The following SPTBN5 variants were observed in gnomAD, a reference collection of about 807,000 sequenced individuals.
The protein encoded by SPTBN5 is spectrin beta chain, non-erythrocytic 5.
SPTBN5 carries 513 observed loss-of-function variants against 477.6 expected under a neutral mutation model. That is an observed-to-expected ratio of 1.07 (90% CI 1.00 to 1.16). SPTBN5 has a LOEUF of 1.16. SPTBN5 is among the 50% of genes most tolerant of loss of function. SPTBN5 has a pLI of 0.00. For synonymous variants in SPTBN5, 2,169 were observed against 2,011.7 expected, an observed-to-expected ratio of 1.08 and a Z score of -2.09; for missense variants, 5,062 against 4,731.8, an observed-to-expected ratio of 1.07 and a Z score of -2.05.
At position 41,879,322 on chromosome 15, in the gene SPTBN5, C is replaced by T; in HGVS notation, c.3120G>A (p.Leu1040=). ...SSEDTCHALQ[L]AQKKTLVLER... is the part of the protein sequence containing the mutation. ...CCAGCACCAGGGTCTTCTTCTGGGC[C>T]AGCTGCAGGGCGTGGCAGGTGTCCT... is the stretch of plus-strand genomic sequence containing the variant. The change falls in exon 16 of 68, where the codon CTG becomes CTA. Residue 1040 remains leucine, a synonymous_variant. Transcript: ENST00000320955. 2 of 1,611,508 alleles carry T rather than the reference C, an allele frequency of 1.2e-6. No homozygotes were observed. Among genetic ancestry groups the T allele is most frequent in the East Asian group, 4.5e-5 (2 of 44,882 alleles).
In SPTBN5 at chr15:41,857,408, CTGGCCCACAGTGGG is replaced by C; in HGVS notation, c.8437_8450del (p.Pro2813GlyfsTer27). ...GGAGCTCGCCCACCCCAGGCAGGGCCTGGCCCACAGTGGGGGCTCTCAGCTCAACCTCGATGGGC... is the reference window on the plus strand; with the variant it reads ...GGAGCTCGCCCACCCCAGGCAGGGCCGGCTCTCAGCTCAACCTCGATGGGC... On this transcript the variant is annotated frameshift_variant, in exon 51 of 68. Coordinates refer to ENST00000320955, the MANE Select transcript of SPTBN5 (RefSeq NM_016642.4). LOFTEE classifies it high-confidence loss of function. 1 of 1,596,502 alleles carries C rather than the reference CTGGCCCACAGTGGG, an allele frequency of 6.3e-7. No homozygotes were observed. Among genetic ancestry groups the C allele is most frequent in the Admixed American group, 1.7e-5 (1 of 57,784 alleles).
intron 7 of SPTBN5, among the ~76,000 whole-genome samples, chr15:41,884,283 GC>G (rs1338886765): frequency 6.6e-6 from 1 of 152,010 alleles, no homozygotes; most frequent in South Asian, 2.1e-4. Flanking sequence ...ACTGCGCCCG[GC>G]CAATTTTTGT....
rs371369677 is a variant in SPTBN5 at position 41,882,637 on chromosome 15, G to T, written c.1994C>A (p.Ala665Glu). 6 of 1,606,994 alleles carry T rather than the reference G, an allele frequency of 3.7e-6. No individual in the cohort carries two copies. The East Asian group carries it at 1.3e-4, about 36-fold the overall frequency. Residue 665 changes from alanine (A) to glutamate (E), a missense_variant, in exon 10 of 68, where the codon GCG becomes GAG. Coordinates refer to ENST00000320955, the MANE Select transcript of SPTBN5 (RefSeq NM_016642.4). ...LKECGQRVGNAALGRDLSQIA... is the reference protein window; with the variant it reads ...LKECGQRVGNEALGRDLSQIA... ...CTGGCTGAGATCCCGGCCCAGGGCC[G>T]CATTCCCCACCCGCTGTCCGCACTC...
At position 41,863,701 on chromosome 15, in the gene SPTBN5, T is replaced by G; in HGVS notation, c.7149+3A>C. The G allele has an allele frequency of 6.2e-7, 1 of 1,611,900 alleles. No homozygotes were observed. Among genetic ancestry groups the G allele is most frequent in the African/African-American group, 1.3e-5 (1 of 75,002 alleles). ...CCCACCGGGACCTCTTTCCACCACG[T>G]ACCTTCTCCTGAATCCTCTTGGTGA... On this transcript the variant is annotated splice_donor_region_variant and intron_variant, in intron 41 of 67. Transcript: ENST00000320955.
At position 41,872,330 on chromosome 15, in the gene SPTBN5, G is replaced by A. The variant is rs1386332409; in HGVS notation, c.5137C>T (p.Arg1713Trp). 7 of 1,611,050 alleles carry A rather than the reference G, an allele frequency of 4.3e-6. No individual in the cohort carries two copies. The Admixed American group carries it at 5.0e-5, about 12-fold the overall frequency. ...VVQERLREQL[R>W]ALQELAATRD... ...GTGGCCGCCAACTCCTGCAGTGCCCGCAGCTGCTCCCGGAGCCTCTCCTGC... is the reference window on the plus strand; with the variant it reads ...GTGGCCGCCAACTCCTGCAGTGCCCACAGCTGCTCCCGGAGCCTCTCCTGC... The change falls in exon 27 of 68, where the codon CGG becomes TGG. Residue 1713 changes from arginine to tryptophan, a missense_variant. Physicochemically the swap from Arg to Trp is moderately radical, Grantham distance 101. Coordinates refer to ENST00000320955, the MANE Select transcript of SPTBN5 (RefSeq NM_016642.4).
chr15:41,892,476 C>T (rs565317796), intron 3 of SPTBN5, among the ~76,000 whole-genome samples: 1 of 152,326 alleles, frequency 6.6e-6, no homozygotes, highest in Admixed American at 6.5e-5. Flanking sequence ...CTCCTCTTCC[C>T]CACCTGCCGT....
At chr15:41,875,788 G>T (rs1430600928) in intron 21 of SPTBN5, among the ~76,000 whole-genome samples, 166 bp from the exon 22 acceptor site, 4 of 152,194 alleles carry the variant, frequency 2.6e-5, no homozygotes, top group Non-Finnish European at 4.4e-5. Flanking sequence ...CTGCAGGTAG[G>T]GGGGCTTTCC....
Position 41,854,859 on chromosome 15 carries a change from G to T in SPTBN5, c.9541C>A (p.Pro3181Thr). 1 of 1,609,280 alleles carries T rather than the reference G, an allele frequency of 6.2e-7. No individual in the cohort carries two copies. Among genetic ancestry groups the T allele is most frequent in the Non-Finnish European group, 8.5e-7 (1 of 1,177,610 alleles). Residue 3181 changes from proline to threonine, a missense_variant, in exon 56 of 68, where the codon CCC (proline) becomes ACC (threonine). By Grantham distance (38) the Pro-to-Thr change is conservative. Transcript: ENST00000320955. Reference protein sequence around the residue: ...TLERGAPRRYPHIQAQRSRIE... With the variant: ...TLERGAPRRYTHIQAQRSRIE... Reference sequence around the variant, plus strand: ...CGGCTCCTCTGGGCTTGGATGTGGGGATAGCGCCTGGGTGCACCCCGCTCC... The same window carrying T: ...CGGCTCCTCTGGGCTTGGATGTGGGTATAGCGCCTGGGTGCACCCCGCTCC...
intron 47 of SPTBN5, among the ~76,000 whole-genome samples, chr15:41,859,651 C>G (rs2066036255): frequency 6.6e-6 from 1 of 152,162 alleles, no homozygotes; most frequent in African/African-American, 2.4e-5. Flanking sequence ...GGGCAGAAGC[C>G]AGGGGCTAGA....
chr15:41,864,925 G>C (rs1461888739), intron 39 of SPTBN5, among the ~76,000 whole-genome samples: 1 of 152,246 alleles, frequency 6.6e-6, no homozygotes, highest in Non-Finnish European at 1.5e-5. Context: ...TCCTTTTATA[G>C]ATGCCGGAGC....
chr15:41,889,981 T>C (rs1404989300), intron 4 of SPTBN5, 108 bp downstream of exon 4: 3 of 716,334 alleles, frequency 4.2e-6, no homozygotes, highest in Non-Finnish European at 7.5e-6. Context: ...CAGGATCTCC[T>C]ATGGGGATCA....
At chr15:41,881,874 T>A in intron 12 of SPTBN5, 62 bp downstream of exon 12, 2 of 1,447,776 alleles carry the variant, frequency 1.4e-6, no homozygotes, top group East Asian at 5.5e-5. Context: ...TTTTGTCCTC[T>A]GTGTGGCCCA....
chr15:41,852,948 G>GCCT lies in SPTBN5; in HGVS notation c.10220_10222dup (p.Glu3407dup), dbSNP rs776561047. 1 of 1,576,832 alleles carries GCCT rather than the reference G, an allele frequency of 6.3e-7. No homozygotes were observed. The highest frequency in any genetic ancestry group is 1.1e-5 in the South Asian group (1 of 87,558). ...ACAGCGTTGCCAGCGCAGGGCCCAAGCCTCCTCCAGCTCCTGCAGCCGCCC... is the reference window on the plus strand; with the variant it reads ...ACAGCGTTGCCAGCGCAGGGCCCAAGCCTCCTCCTCCAGCTCCTGCAGCCGCCC... On this transcript the variant is annotated inframe_insertion, in exon 60 of 68. Transcript: ENST00000320955.
chr15:41,886,296 C>T lies in SPTBN5; in HGVS notation c.959G>A (p.Arg320His), dbSNP rs764995106. The T allele has an allele frequency of 2.7e-5, 43 of 1,613,122 alleles. No homozygotes were observed. Among genetic ancestry groups the T allele is most frequent in the Middle Eastern group, 1.6e-4 (1 of 6,082 alleles). The change falls in exon 7 of 68, where the codon CGC becomes CAC. Residue 320 changes from arginine to histidine, a missense_variant. Arg to His is a conservative substitution (Grantham distance 29, BLOSUM62 0). Coordinates refer to ENST00000320955, the MANE Select transcript of SPTBN5 (RefSeq NM_016642.4). Reference sequence around the variant, plus strand: ...CTGCATCTGCTTCTCTGCAATCCAGCGTAGAAGGTCAGCCACCAGCTGCTC... The same window carrying T: ...CTGCATCTGCTTCTCTGCAATCCAGTGTAGAAGGTCAGCCACCAGCTGCTC... ...QYEQLVADLL[R>H]WIAEKQMQLE...
chr15:41,867,223 C>A (rs1045096384), intron 35 of SPTBN5, 97 bp from the exon 36 acceptor site: 20 of 1,366,428 alleles, frequency 1.5e-5, no homozygotes, highest in African/African-American at 5.8e-5. Context: ...GCCCCGGAGC[C>A]CTTTCCTCAG....
chr15:41,862,968 G>T, intron 41 of SPTBN5, 65 bp from the exon 42 acceptor site: 1 of 1,443,258 alleles, frequency 6.9e-7, no homozygotes, highest in Non-Finnish European at 9.5e-7. Context: ...CCTGGCAAAG[G>T]GCCCAACCAG....
chr15:41,864,959 C>T (rs1052178060), intron 39 of SPTBN5, among the ~76,000 whole-genome samples: 4 of 152,232 alleles, frequency 2.6e-5, no homozygotes. Context: ...TAACCTGGCT[C>T]CTTTGCGGCA....
At position 41,880,099 on chromosome 15, in the gene SPTBN5, A is replaced by T. The variant is rs2066897066; in HGVS notation, c.2811+61T>A. The T allele has an allele frequency of 2.6e-6, 4 of 1,518,954 alleles. No homozygotes were observed. In the South Asian group the frequency reaches 5.3e-5, roughly 20 times the overall value. 94.1% of individuals were successfully genotyped at this position (1,518,954 alleles called of 1,614,324 possible). On this transcript the variant is annotated intron_variant, in intron 14 of 67. Coordinates refer to ENST00000320955, the MANE Select transcript of SPTBN5 (RefSeq NM_016642.4). ...TTAAATTGGAAAACTGAGTCACAGC[A>T]GCAGACCACAGGGAGGCAGGGGCAA...
chr15:41,860,608 T>A lies in SPTBN5; in HGVS notation c.7966A>T (p.Arg2656Trp), dbSNP rs2066072996. 6.7e-7 allele frequency: 1 copy of A among 1,482,282 alleles called. No individual in the cohort carries two copies. The highest frequency in any genetic ancestry group is 1.4e-5 in the South Asian group (1 of 73,158). 91.8% of individuals were successfully genotyped at this position (1,482,282 alleles called of 1,614,324 possible). A position where few individuals can be genotyped will look rare whatever the true frequency, so the allele number is the denominator to read the frequency against. The change falls in exon 47 of 68, where the codon AGG (arginine) becomes TGG (tryptophan). Residue 2656 changes from arginine to tryptophan, a missense_variant. Physicochemically the swap from Arg to Trp is moderately radical, Grantham distance 101. Transcript: ENST00000320955. Reference sequence around the variant, plus strand: ...TACCTCAGAAGCATGGCCTGGCACCTGCCCAGGGCACTCTGGGCCTCGGGG... The same window carrying A: ...TACCTCAGAAGCATGGCCTGGCACCAGCCCAGGGCACTCTGGGCCTCGGGG... ...GHPEAQSALG[R>W]CQAMLLRKEA... is the part of the protein sequence containing the mutation.
Sources: allele counts gnomAD v4.1 joint callset (sites outside exome capture counted in the v4.1 genomes callset), GRCh38; gene constraint gnomAD v4.1.1; transcripts MANE v1.5; gene names NCBI Gene and HGNC (gene_info 2026-07-23, HGNC 2026-07-21).